The following PCDHGA2 variants were observed in gnomAD, a reference collection of about 807,000 sequenced individuals.
PCDHGA2 encodes the protein protocadherin gamma subfamily A, 2.
Under a neutral mutation model 59.2 loss-of-function variants are expected in PCDHGA2, and 40 were observed. The observed-to-expected ratio is 0.68, with a 90% CI of 0.52 to 0.88. The LOEUF (loss-of-function observed/expected upper bound fraction) is 0.88. Ranked by LOEUF, PCDHGA2 falls within the 40% of genes least tolerant of loss-of-function variation. The pLI is 0.00. For synonymous variants in PCDHGA2, 560 were observed against 526.0 expected (o/e 1.06, Z -0.89); for missense variants, 1,226 against 1,204.0 (o/e 1.02, Z -0.27).
rs201073884 is a variant in PCDHGA2 at position 141,486,264 on chromosome 5, A to C, written c.2425-8543A>C. On this transcript the variant is annotated intron_variant, in intron 1 of 3. Coordinates refer to ENST00000394576, the MANE Select transcript of PCDHGA2 (RefSeq NM_018915.4). This position sits in a 1 kb window ranked among gnomAD's most constrained non-coding sequence, Gnocchi z 5.0. The stretch of plus-strand genomic sequence containing the variant: ...CTTGGAACCCTCCCCGAGAGTGCAG[A>C]ACCTGGCACTGTGGTGGCACTTATC... 8 of 1,614,032 alleles carry C rather than the reference A, an allele frequency of 5.0e-6. No individual in the cohort carries two copies. The East Asian group carries it at 1.6e-4, about 31-fold the overall frequency.
intron 1 of PCDHGA2, chr5:141,441,988 A>G: frequency 3.7e-6 from 1 of 269,936 alleles, no homozygotes; most frequent in Non-Finnish European, 7.3e-6. Flanking sequence ...ATGCGCACCG[A>G]CGAGGTGCTG....
At chr5:141,421,474 G>A (rs1320526226) in intron 1 of PCDHGA2, 2 of 1,614,014 alleles carry the variant, frequency 1.2e-6, no homozygotes, top group Non-Finnish European at 1.7e-6. Flanking sequence ...TCCGCGAAGC[G>A]GCAGCTTGAT....
intron 1 of PCDHGA2, chr5:141,361,095 A>T (rs1309829041): frequency 1.9e-6 from 3 of 1,613,896 alleles, no homozygotes; most frequent in Non-Finnish European, 2.5e-6. Context: ...TGAGTATCGA[A>T]GCAAAAGATC....
Position 141,340,304 on chromosome 5 carries a change from A to G in PCDHGA2, c.1333A>G (p.Ile445Val), listed in dbSNP as rs1756929506. 4 of 1,614,162 alleles carry G rather than the reference A, an allele frequency of 2.5e-6. No homozygotes were observed. The highest frequency in any genetic ancestry group is 2.2e-5 in the South Asian group (2 of 91,074). ...DAHILLQVADINDNAPAFSRT... is the reference protein window; with the variant it reads ...DAHILLQVADVNDNAPAFSRT... Reference sequence around the variant, plus strand: ...TCACATTTTGCTCCAGGTGGCAGACATCAACGACAACGCACCCGCCTTCTC... The same window carrying G: ...TCACATTTTGCTCCAGGTGGCAGACGTCAACGACAACGCACCCGCCTTCTC... The change falls in exon 1 of 4, where the codon ATC becomes GTC. Residue 445 changes from isoleucine to valine, a missense_variant. Physicochemically the swap from Ile to Val is conservative, Grantham distance 29. Transcript: ENST00000394576.
chr5:141,505,676 C>A (rs1308943385), intron 3 of PCDHGA2, among the ~76,000 whole-genome samples, 195 bp downstream of exon 3: 1 of 152,060 alleles, frequency 6.6e-6, no homozygotes, highest in South Asian at 2.1e-4. Context: ...GGTTGGGGGT[C>A]CTGGGATGCC....
At chr5:141,379,080 G>C (rs1467577464) in intron 1 of PCDHGA2, 1 of 152,176 alleles carries the variant, frequency 6.6e-6, no homozygotes, top group Non-Finnish European at 1.5e-5. Flanking sequence ...ATCTGAATTT[G>C]TTATGAATGT....
intron 1 of PCDHGA2, chr5:141,360,144 G>A (rs1761438795): frequency 6.3e-7 from 1 of 1,596,148 alleles, no homozygotes; most frequent in Non-Finnish European, 8.6e-7. Context: ...AGATGAAAGC[G>A]AGCTCAGGGA....
chr5:141,383,570 G>A, intron 1 of PCDHGA2: 1 of 1,613,234 alleles, frequency 6.2e-7, no homozygotes, highest in Non-Finnish European at 8.5e-7. Flanking sequence ...CCCCGATCCA[G>A]CACCGCCCAC....
chr5:141,346,157 C>A, intron 1 of PCDHGA2: 6 of 1,614,004 alleles, frequency 3.7e-6, no homozygotes, highest in Non-Finnish European at 5.1e-6. Flanking sequence ...TGGCCTTCGT[C>A]ATCGTGCTGC....
At chr5:141,350,380 C>G in intron 1 of PCDHGA2, 1 of 1,589,508 alleles carries the variant, frequency 6.3e-7, no homozygotes, top group African/African-American at 1.3e-5. Context: ...AGGAGCTAGC[C>G]AACGGCTCAC....
In PCDHGA2 at chr5:141,394,564, G is replaced by C. The variant is rs200338108; in HGVS notation, c.2424+53169G>C. 4.7e-3 allele frequency: 7,544 copies of C among 1,612,816 alleles called. 48 individuals carry two copies. The highest frequency in any genetic ancestry group is 9.5e-3 in the Admixed American group (568 of 59,990). On this transcript the variant is annotated intron_variant, in intron 1 of 3. Transcript: ENST00000394576. Reference sequence around the variant, plus strand: ...GAGCTGGCGCCCCGCTCCGCAGAGCGTGGCTACCTGGTGACCAAGGTGGTG... The same window carrying C: ...GAGCTGGCGCCCCGCTCCGCAGAGCCTGGCTACCTGGTGACCAAGGTGGTG...
In PCDHGA2 at chr5:141,423,305, A is replaced by G. The variant is rs746680027; in HGVS notation, c.2425-71502A>G. On this transcript the variant is annotated intron_variant, in intron 1 of 3. Coordinates refer to ENST00000394576, the MANE Select transcript of PCDHGA2 (RefSeq NM_018915.4). Reference sequence around the variant, plus strand: ...TCTGAAACCTCAGACCTCTCGCTGTACTTGGTGGTGGCGGTGGCCGCAGTC... The same window carrying G: ...TCTGAAACCTCAGACCTCTCGCTGTGCTTGGTGGTGGCGGTGGCCGCAGTC... 23 of 1,613,944 alleles carry G rather than the reference A, an allele frequency of 1.4e-5. No individual in the cohort carries two copies. Among genetic ancestry groups the G allele is most frequent in the Non-Finnish European group, 1.9e-5 (22 of 1,180,004 alleles).
chr5:141,388,453 A>G (rs556619446), intron 1 of PCDHGA2: 1 of 1,613,846 alleles, frequency 6.2e-7, no homozygotes, highest in East Asian at 2.2e-5. Flanking sequence ...GATGGCAGTA[A>G]ATACCCTGAG....
Position 141,404,574 on chromosome 5 carries a change from C to G in PCDHGA2, c.2424+63179C>G, listed in dbSNP as rs185791741. 3 of 1,613,908 alleles carry G rather than the reference C, an allele frequency of 1.9e-6. No individual in the cohort carries two copies. The East Asian group carries it at 6.7e-5, about 36-fold the overall frequency. The stretch of plus-strand genomic sequence containing the variant: ...ACGGCAAGTGACAGTGGAAGCCCAC[C>G]ACTTAGCAGCAATGTGTCATTGAGA... On this transcript the variant is annotated intron_variant, in intron 1 of 3. Coordinates refer to ENST00000394576, the MANE Select transcript of PCDHGA2 (RefSeq NM_018915.4).
At chr5:141,414,472 A>C (rs1039987036) in intron 1 of PCDHGA2, 5 of 1,613,796 alleles carry the variant, frequency 3.1e-6, no homozygotes, top group African/African-American at 1.3e-5. Flanking sequence ...AGATGGGGGA[A>C]GTCCTCCTCT....
At chr5:141,424,726 T>C (rs1041673348) in intron 1 of PCDHGA2, 7 of 152,218 alleles carry the variant, frequency 4.6e-5, no homozygotes, top group African/African-American at 4.8e-5. Context: ...TTGGGAGTCA[T>C]AGATTCCTTC....
intron 1 of PCDHGA2, among the ~76,000 whole-genome samples, chr5:141,458,101 G>C (rs530847477): frequency 3.3e-5 from 5 of 152,200 alleles, no homozygotes; most frequent in Non-Finnish European, 7.4e-5. Flanking sequence ...AGTACTTACA[G>C]ATAGTCTCCA....
At chr5:141,383,396 C>T (rs749879106) in intron 1 of PCDHGA2, 64 of 1,613,910 alleles carry the variant, frequency 4.0e-5, no homozygotes, top group Non-Finnish European at 5.3e-5. Flanking sequence ...GGCACGAACT[C>T]CCTCCAGAGT....
At chr5:141,401,478 T>A (rs2094159554) in intron 1 of PCDHGA2, among the ~76,000 whole-genome samples, 1 of 152,186 alleles carries the variant, frequency 6.6e-6, no homozygotes. Flanking sequence ...TTTATCCAGG[T>A]TTTCTTGGAT....
Sources: allele counts gnomAD v4.1 joint callset (sites outside exome capture counted in the v4.1 genomes callset), GRCh38; gene constraint gnomAD v4.1.1; non-coding constraint Gnocchi (gnomAD v3.1); transcripts MANE v1.5; gene names NCBI Gene and HGNC (gene_info 2026-07-23, HGNC 2026-07-21).